AOX1: variants seen among roughly 807,000 people sequenced by gnomAD.
The protein encoded by AOX1 is aldehyde oxidase 1.
In AOX1, 153 loss-of-function variants were observed where a neutral mutation model predicts 169.5. That is an observed-to-expected ratio of 0.90 (90% CI 0.79 to 1.03). The LOEUF (loss-of-function observed/expected upper bound fraction) is 1.03. AOX1 is among the 50% of genes least tolerant of loss of function. The pLI, the probability that AOX1 is intolerant of heterozygous loss-of-function variation, is 0.00. For missense variants in AOX1, 1,656 were observed against 1,663.9 expected, an observed-to-expected ratio of 1.00 and a Z score of 0.08; for synonymous variants, 562 against 581.9, an observed-to-expected ratio of 0.97 and a Z score of 0.49.
chr2:200,650,857 G>A, intron 25 of AOX1, 117 bp from the exon 26 acceptor site: 3 of 825,048 alleles, frequency 3.6e-6, no homozygotes, highest in Non-Finnish European at 5.8e-6. Context: ...CAAGGACTCA[G>A]TAGAACTTGG....
At chr2:200,620,088 G>C (rs1309156278) in intron 16 of AOX1, among the ~76,000 whole-genome samples, 2 of 151,982 alleles carry the variant, frequency 1.3e-5, no homozygotes, top group Non-Finnish European at 2.9e-5. Context: ...GAGATGTTTG[G>C]GGTCTACATT....
intron 20 of AOX1, among the ~76,000 whole-genome samples, chr2:200,629,703 C>G (rs2035075683): frequency 6.6e-6 from 1 of 152,136 alleles, no homozygotes; most frequent in South Asian, 2.1e-4. Context: ...ATAGAGCGTT[C>G]CCGGCATGAG....
chr2:200,634,998 T>C, intron 21 of AOX1, 83 bp downstream of exon 21: 1 of 1,546,176 alleles, frequency 6.5e-7, no homozygotes, highest in Non-Finnish European at 8.8e-7. Flanking sequence ...GAGGTAAAAG[T>C]ATATTTGGGA....
chr2:200,604,581 T>C (rs1435509562), intron 8 of AOX1, 115 bp from the exon 9 acceptor site: 5 of 1,165,396 alleles, frequency 4.3e-6, no homozygotes, highest in Non-Finnish European at 6.2e-6. Flanking sequence ...CTTTGTACTT[T>C]ATTTTTTAGA....
At chr2:200,636,111 G>A (rs1323935330) in intron 21 of AOX1, among the ~76,000 whole-genome samples, 1 of 132,716 alleles carries the variant, frequency 7.5e-6, no homozygotes, top group Non-Finnish European at 1.6e-5. Flanking sequence ...CAAGAAGTGA[G>A]AAGTGCTTTT....
At position 200,670,674 on chromosome 2, in the gene AOX1, A is replaced by G; in HGVS notation, c.4012A>G (p.Ile1338Val). The change falls in exon 35 of 35, where the codon ATC becomes GTC. Residue 1338 changes from isoleucine (I) to valine (V), a missense_variant. Physicochemically the swap from Ile to Val is conservative, Grantham distance 29 (BLOSUM62 3). Transcript: ENST00000374700. ...PGSYVPWNVPI is the reference protein window; with the variant it reads ...PGSYVPWNVPV ...ATCCTACGTTCCTTGGAATGTACCC[A>G]TCTGAATCAAATGCAAACTTCTGGA... 2 of 1,612,046 alleles carry G rather than the reference A, an allele frequency of 1.2e-6. No individual in the cohort carries two copies. Among genetic ancestry groups the G allele is most frequent in the Non-Finnish European group, 1.7e-6 (2 of 1,178,746 alleles).
At chr2:200,607,969 G>A (rs910894514) in intron 10 of AOX1, among the ~76,000 whole-genome samples, 5 of 152,256 alleles carry the variant, frequency 3.3e-5, no homozygotes, top group South Asian at 2.1e-4. Flanking sequence ...GCCTGTTGGC[G>A]GGTGGGGAGC....
intron 1 of AOX1, among the ~76,000 whole-genome samples, chr2:200,587,700 A>G (rs906247738): frequency 2.0e-5 from 3 of 152,186 alleles, no homozygotes; most frequent in African/African-American, 7.2e-5. Flanking sequence ...AAATATGACA[A>G]TGGGGTGAGA....
At chr2:200,670,486 A>G (rs1295415731) in intron 34 of AOX1, 143 bp from the exon 35 acceptor site, 3 of 679,280 alleles carry the variant, frequency 4.4e-6, no homozygotes, top group Admixed American at 2.2e-5. Flanking sequence ...GGCTTCCTCT[A>G]TACTTCACAG....
In AOX1 at chr2:200,612,944, T is replaced by C. The variant is rs894105774; in HGVS notation, c.1448+151T>C. The C allele has an allele frequency of 1.4e-5, 9 of 651,888 alleles. No individual in the cohort carries two copies. The African/African-American group carries it at 1.6e-4, about 12-fold the overall frequency. The allele number at this position is 651,888 out of a possible 1,614,324, so 40.4% of individuals were successfully genotyped here. On this transcript the variant is annotated intron_variant, in intron 14 of 34. Coordinates refer to ENST00000374700, the MANE Select transcript of AOX1 (RefSeq NM_001159.4). ...TGGGAATTCCAATAAGATTTTGTTA[T>C]TATTTCCATATGTCTTGATGTTAGT...
chr2:200,638,275 C>T lies in AOX1; in HGVS notation c.2541C>T (p.Gly847=), dbSNP rs34799295. 31 of 1,613,500 alleles carry T rather than the reference C, an allele frequency of 1.9e-5. No homozygotes were observed. The East Asian group carries it at 6.5e-4, about 34-fold the overall frequency. Residue 847 remains glycine, a synonymous_variant, in exon 23 of 35, where the codon GGC becomes GGT. Coordinates refer to ENST00000374700, the MANE Select transcript of AOX1 (RefSeq NM_001159.4). ...ERGEDMLITG[G]RHPYLGKYKA... ...GAGAAGACATGTTAATAACTGGAGG[C>T]CGCCATCCTTACCTTGGAAAGTACA... is the stretch of plus-strand genomic sequence containing the variant.
Position 200,620,729 on chromosome 2 carries a change from G to A in AOX1, c.1784G>A (p.Gly595Glu), listed in dbSNP as rs751152293. The change falls in exon 17 of 35, where the codon GGG becomes GAG. Residue 595 changes from glycine (G) to glutamate (E), a missense_variant. Transcript: ENST00000374700. ...MHLSGVKHAT[G>E]EAIYCDDMPL... is the part of the protein sequence containing the mutation. Reference sequence around the variant, plus strand: ...CTGTCTGGTGTGAAGCATGCCACGGGGGAGGCCATCTACTGTGATGACATG... The same window carrying A: ...CTGTCTGGTGTGAAGCATGCCACGGAGGAGGCCATCTACTGTGATGACATG... 3.7e-6 allele frequency: 6 copies of A among 1,605,990 alleles called. No homozygotes were observed. In the African/African-American group the frequency reaches 8.1e-5, roughly 22 times the overall value.
Position 200,612,638 on chromosome 2 carries a change from C to A in AOX1, c.1293C>A (p.Ala431=). The change falls in exon 14 of 35, where the codon GCC becomes GCA. Residue 431 remains alanine (A), a synonymous_variant. Coordinates refer to ENST00000374700, the MANE Select transcript of AOX1 (RefSeq NM_001159.4). ...AATTTGTGTCAGCCTTCCGACAAGC[C>A]CAGCGACAGGAGAATGCGCTAGCGA... ...KWEFVSAFRQ[A]QRQENALAIV... 1 of 1,613,878 alleles carries A rather than the reference C, an allele frequency of 6.2e-7. No individual in the cohort carries two copies. Among genetic ancestry groups the A allele is most frequent in the Non-Finnish European group, 8.5e-7 (1 of 1,179,940 alleles).
chr2:200,666,751 A>G lies in AOX1; in HGVS notation c.3608A>G (p.Gln1203Arg), dbSNP rs752805571. 8 of 1,610,062 alleles carry G rather than the reference A, an allele frequency of 5.0e-6. No individual in the cohort carries two copies. Among genetic ancestry groups the G allele is most frequent in the African/African-American group, 2.7e-5 (2 of 74,880 alleles). The stretch of plus-strand genomic sequence containing the variant: ...ATAAATCCAGCCATTGACATAGGCC[A>G]GGTACGTGTAACTGATGTGTCTCAC... ...CSINPAIDIG[Q>R]IEGAFIQGMG... Residue 1203 changes from glutamine (Q) to arginine (R), a missense_variant and splice_region_variant, in exon 32 of 35, where the codon CAG becomes CGG. Gln to Arg is a conservative substitution (Grantham distance 43). Transcript: ENST00000374700.
At chr2:200,667,780 A>G (rs1206116396) in intron 32 of AOX1, among the ~76,000 whole-genome samples, 1 of 152,078 alleles carries the variant, frequency 6.6e-6, no homozygotes, top group Non-Finnish European at 1.5e-5. Flanking sequence ...TTTTAGAGAC[A>G]AGACTTCACT....
intron 21 of AOX1, among the ~76,000 whole-genome samples, chr2:200,635,869 T>C (rs2035219089): frequency 6.6e-6 from 1 of 152,110 alleles, no homozygotes; most frequent in Non-Finnish European, 1.5e-5. Context: ...CTATGGAGAA[T>C]GAGGCCTCGT....
At position 200,595,341 on chromosome 2, in the gene AOX1, G is replaced by A. The variant is rs768782250; in HGVS notation, c.173G>A (p.Arg58Gln). 4.9e-5 allele frequency: 79 copies of A among 1,612,636 alleles called. No homozygotes were observed. The Middle Eastern group carries it at 1.5e-3, about 30-fold the overall frequency. Reference sequence around the variant, plus strand: ...GGTGCTTGTACAGTGATGATATCACGATACAACCCCATCACCAAGAGGATA... The same window carrying A: ...GGTGCTTGTACAGTGATGATATCACAATACAACCCCATCACCAAGAGGATA... ...GCGACTVMIS[R>Q]YNPITKRIRH... Residue 58 changes from arginine to glutamine, a missense_variant, in exon 3 of 35, where the codon CGA becomes CAA. Physicochemically the swap from Arg to Gln is conservative, Grantham distance 43 (BLOSUM62 1). Coordinates refer to ENST00000374700, the MANE Select transcript of AOX1 (RefSeq NM_001159.4).
In AOX1 at chr2:200,586,079, C is replaced by A. The variant is rs1013615160; in HGVS notation, c.-30C>A. On this transcript the variant is annotated 5_prime_UTR_variant, in exon 1 of 35. Coordinates refer to ENST00000374700, the MANE Select transcript of AOX1 (RefSeq NM_001159.4). ...CTTCCCAGAACCTCCGCCTCCCGCT[C>A]CGGGCCCTCGAACCAGCGCGGACAC... is the stretch of plus-strand genomic sequence containing the variant. 4.5e-6 allele frequency: 7 copies of A among 1,549,540 alleles called. No individual in the cohort carries two copies. The highest frequency in any genetic ancestry group is 6.1e-6 in the Non-Finnish European group (7 of 1,147,690).
At chr2:200,663,570 A>ACTCTCTCTCT (rs1231363640) in intron 31 of AOX1, among the ~76,000 whole-genome samples, 4 of 123,640 alleles carry the variant, frequency 3.2e-5, no homozygotes, top group African/African-American at 9.0e-5. Flanking sequence ...ACACACACAC[A>ACTCTCTCTCT]CACTCTCTCT....
Sources: allele counts gnomAD v4.1 joint callset (sites outside exome capture counted in the v4.1 genomes callset), GRCh38; gene constraint gnomAD v4.1.1; transcripts MANE v1.5; gene names NCBI Gene and HGNC (gene_info 2026-07-23, HGNC 2026-07-21).